SGCZ: variants seen among roughly 807,000 people sequenced by gnomAD.
SGCZ encodes zeta-sarcoglycan.
A neutral mutation model predicts 41.3 loss-of-function variants in SGCZ; 40 were observed. The observed-to-expected ratio is 0.97, with a 90% CI of 0.75 to 1.26. SGCZ has a LOEUF of 1.26. SGCZ is among the 50% of genes most tolerant of loss of function. The pLI is 0.00. For missense variants in SGCZ, 552 were observed against 369.8 expected, an observed-to-expected ratio of 1.49 and a Z score of -4.04; for synonymous variants, 206 against 137.5, an observed-to-expected ratio of 1.50 and a Z score of -3.49.
At chr8:14,465,939 A>G (rs1424348204) in intron 2 of SGCZ, among the ~76,000 whole-genome samples, 3 of 150,858 alleles carry the variant, frequency 2.0e-5, no homozygotes, top group Non-Finnish European at 4.4e-5. Flanking sequence ...CTTTAGACTA[A>G]TAAGTTTTTA....
chr8:14,788,514 A>G (rs1800846027), intron 1 of SGCZ, among the ~76,000 whole-genome samples: 1 of 152,230 alleles, frequency 6.6e-6, no homozygotes, highest in African/African-American at 2.4e-5. Context: ...TTCTGGGGAC[A>G]GTAGCTTAAC....
chr8:15,211,575 AC>A (rs1801238460), intron 1 of SGCZ, among the ~76,000 whole-genome samples: 1 of 152,084 alleles, frequency 6.6e-6, no homozygotes, highest in South Asian at 2.1e-4. Flanking sequence ...CACACCGACT[AC>A]ATATTAACCT....
At chr8:14,256,075 G>C (rs1018277355) in intron 3 of SGCZ, among the ~76,000 whole-genome samples, 4 of 151,978 alleles carry the variant, frequency 2.6e-5, no homozygotes, top group African/African-American at 9.7e-5. Flanking sequence ...TTCTCTTGAA[G>C]ACCTACTTTG....
chr8:14,986,015 G>A (rs1474426787), intron 1 of SGCZ, among the ~76,000 whole-genome samples: 3 of 151,986 alleles, frequency 2.0e-5, no homozygotes, highest in African/African-American at 7.3e-5. Context: ...TGAGCAATAT[G>A]TACAAGTATG....
intron 4 of SGCZ, among the ~76,000 whole-genome samples, chr8:14,206,021 G>C (rs1203466005): frequency 6.6e-6 from 1 of 151,956 alleles, no homozygotes; most frequent in Admixed American, 6.6e-5. Context: ...TCGGTTCTCT[G>C]CTATGAAATT....
At chr8:14,411,402 C>G (rs1046142127) in intron 2 of SGCZ, among the ~76,000 whole-genome samples, 12 of 152,034 alleles carry the variant, frequency 7.9e-5, no homozygotes, top group African/African-American at 2.9e-4. Flanking sequence ...AAGGTCATGC[C>G]TACTTCAATT....
At chr8:14,120,207 G>A (rs919802130) in intron 5 of SGCZ, among the ~76,000 whole-genome samples, 9 of 152,118 alleles carry the variant, frequency 5.9e-5, no homozygotes, top group Non-Finnish European at 1.2e-4. Flanking sequence ...TATAAGTTTG[G>A]TTTAATGGCA....
At chr8:14,100,524 A>G (rs1342954294) in intron 7 of SGCZ, among the ~76,000 whole-genome samples, 1 of 137,470 alleles carries the variant, frequency 7.3e-6, no homozygotes, top group Non-Finnish European at 1.6e-5. Flanking sequence ...TATTATATTA[A>G]TATATTTTCA....
intron 1 of SGCZ, among the ~76,000 whole-genome samples, chr8:15,135,549 G>A (rs1349578766): frequency 6.6e-6 from 1 of 152,190 alleles, no homozygotes; most frequent in Admixed American, 6.5e-5. Flanking sequence ...TCTAATAGAT[G>A]GAGCTGCATT....
intron 1 of SGCZ, among the ~76,000 whole-genome samples, chr8:15,066,291 G>C (rs1805142060): frequency 6.8e-6 from 1 of 148,056 alleles, no homozygotes; most frequent in Non-Finnish European, 1.5e-5. Context: ...GTCCGGCCTG[G>C]GCGACAGAGC....
chr8:15,214,977 G>A (rs533081600), intron 1 of SGCZ, among the ~76,000 whole-genome samples: 134 of 152,220 alleles, frequency 8.8e-4, no homozygotes, highest in African/African-American at 3.1e-3. Flanking sequence ...ACAATGTTAA[G>A]GTTGATATTC....
At chr8:14,153,319 G>A (rs769011489) in intron 5 of SGCZ, among the ~76,000 whole-genome samples, 44 of 152,036 alleles carry the variant, frequency 2.9e-4, no homozygotes, top group Non-Finnish European at 5.3e-4. Context: ...CACGAACCTC[G>A]GTCTGTAAGC....
At chr8:14,606,810 G>A (rs1266687974) in intron 1 of SGCZ, among the ~76,000 whole-genome samples, 1 of 152,040 alleles carries the variant, frequency 6.6e-6, no homozygotes, top group African/African-American at 2.4e-5. Flanking sequence ...ATTTTTTGTT[G>A]CTGTTATTGC....
At chr8:14,153,245 T>G (rs776635896) in intron 5 of SGCZ, among the ~76,000 whole-genome samples, 1 of 152,202 alleles carries the variant, frequency 6.6e-6, no homozygotes, top group Non-Finnish European at 1.5e-5. Context: ...AAATAAAAGT[T>G]TATAATCAGT....
intron 1 of SGCZ, among the ~76,000 whole-genome samples, chr8:15,155,401 C>T (rs1799299600): frequency 6.6e-6 from 1 of 152,094 alleles, no homozygotes; most frequent in Admixed American, 6.5e-5. Flanking sequence ...ATACTGTACC[C>T]CATAAATATG....
At chr8:14,899,674 A>T (rs1563348782) in intron 1 of SGCZ, among the ~76,000 whole-genome samples, 1 of 152,150 alleles carries the variant, frequency 6.6e-6, no homozygotes, top group African/African-American at 2.4e-5. Flanking sequence ...TAAGTAATAC[A>T]ATCAGGTTCT....
At chr8:14,131,384 C>T (rs1803035793) in intron 5 of SGCZ, among the ~76,000 whole-genome samples, 1 of 152,156 alleles carries the variant, frequency 6.6e-6, no homozygotes. Flanking sequence ...CTGCAAACAC[C>T]TACAGTTCTT....
chr8:15,189,829 G>A (rs1800474163), intron 1 of SGCZ, among the ~76,000 whole-genome samples: 1 of 152,232 alleles, frequency 6.6e-6, no homozygotes, highest in Admixed American at 6.5e-5. Flanking sequence ...GGGATTACAG[G>A]CATGAGCCAC....
chr8:14,838,197 G>C (rs1041951786), intron 1 of SGCZ, among the ~76,000 whole-genome samples: 4 of 152,028 alleles, frequency 2.6e-5, no homozygotes, highest in African/African-American at 9.7e-5. Flanking sequence ...AGAGGGCATG[G>C]TTAATGGGTA....
Sources: gnomAD v4.1 joint callset for allele counts (sites outside exome capture counted in the v4.1 genomes callset) on GRCh38, gnomAD v4.1.1 for gene constraint, MANE v1.5 for transcripts, NCBI Gene and HGNC (gene_info 2026-07-23, HGNC 2026-07-21) for gene names.